Variants in CCDC47 observed in about 807,000 individuals in gnomAD.
CCDC47 encodes the protein coiled-coil domain containing 47.
CCDC47 carries 41 observed loss-of-function variants against 60.5 expected under a neutral mutation model. The observed-to-expected ratio is 0.68, with a 90% CI of 0.53 to 0.88. CCDC47 has a LOEUF of 0.88. CCDC47 is among the 40% of genes least tolerant of loss of function. The probability of loss-of-function intolerance (pLI) is 0.00; values close to 1 mark genes in which losing one functional copy is unlikely to be tolerated. For synonymous variants in CCDC47, 195 were observed against 190.7 expected, an observed-to-expected ratio of 1.02 and a Z score of -0.18; for missense variants, 513 against 580.9, an observed-to-expected ratio of 0.88 and a Z score of 1.20.
intron 6 of CCDC47, 83 bp from the exon 7 acceptor site, chr17:63,756,653 C>G: frequency 2.2e-6 from 2 of 898,484 alleles, no homozygotes; most frequent in South Asian, 1.5e-5. Context: ...TTAAGATTCC[C>G]TCCCCGCTGG....
At position 63,766,008 on chromosome 17, in the gene CCDC47, C is replaced by A. The variant is rs536441543; in HGVS notation, c.168G>T (p.Arg56=). Residue 56 remains arginine, a synonymous_variant, in exon 2 of 13, where the codon CGG becomes CGT. Coordinates refer to ENST00000225726, the MANE Select transcript of CCDC47 (RefSeq NM_020198.3). ...MEDSVTESPQ[R]VIITEDDEDE... ...CTTCATCATCTTCAGTGATTATGAC[C>A]CGTTGAGGAGATTCAGTAACAGAGT... 1 of 1,613,974 alleles carries A rather than the reference C, an allele frequency of 6.2e-7. No homozygotes were observed. The highest frequency in any genetic ancestry group is 1.7e-5 in the Admixed American group (1 of 60,004).
intron 3 of CCDC47, 31 bp downstream of exon 3, chr17:63,764,709 T>C: frequency 1.3e-6 from 2 of 1,568,552 alleles, no homozygotes; most frequent in Non-Finnish European, 1.7e-6. Flanking sequence ...TTTTGTTGTT[T>C]AGTTGGGAAT....
chr17:63,759,532 T>TATAC (rs2039237384), intron 6 of CCDC47, among the ~76,000 whole-genome samples: 1 of 4,388 alleles, frequency 2.3e-4, no homozygotes, highest in Non-Finnish European at 3.7e-4. Flanking sequence ...TATATTTATA[T>TATAC]ATATATATAT....
chr17:63,764,564 A>G (rs1568251155), intron 3 of CCDC47, among the ~76,000 whole-genome samples, 176 bp downstream of exon 3: 2 of 145,718 alleles, frequency 1.4e-5, no homozygotes, highest in Non-Finnish European at 3.0e-5. Flanking sequence ...GTAGGTGTTG[A>G]TTTTTTTTTT....
Position 63,766,186 on chromosome 17 carries a change from G to A in CCDC47, c.-11C>T. The A allele has an allele frequency of 6.3e-7, 1 of 1,583,220 alleles. No individual in the cohort carries two copies. The highest frequency in any genetic ancestry group is 8.6e-7 in the Non-Finnish European group (1 of 1,169,364). On this transcript the variant is annotated 5_prime_UTR_variant, in exon 2 of 13. Coordinates refer to ENST00000225726, the MANE Select transcript of CCDC47 (RefSeq NM_020198.3). ...GTGGAAGGCTTTCATTGCACCTTGA[G>A]AAAAAAAGCTTAAAAAAAAAGAGAA...
At chr17:63,748,885 G>T (rs1365569294) in intron 12 of CCDC47, among the ~76,000 whole-genome samples, 7 of 151,878 alleles carry the variant, frequency 4.6e-5, no homozygotes, top group Admixed American at 3.3e-4. Context: ...GTGGTGGCGG[G>T]CACCTGTAAT....
At chr17:63,763,875 A>C in intron 4 of CCDC47, 141 bp downstream of exon 4, 1 of 426,430 alleles carries the variant, frequency 2.3e-6, no homozygotes, top group East Asian at 3.6e-5. Flanking sequence ...AAAAAAGAGC[A>C]GGGGGAATCC....
rs565195482 is a variant in CCDC47, at chr17:63,772,081, C to CA, written c.-20+1330dup. ...TGGGCAACAGGGTGAGACTCTGTCTCAAAAAAATAGATAAATAATAAAATA... is the reference window on the plus strand; with the variant it reads ...TGGGCAACAGGGTGAGACTCTGTCTCAAAAAAAATAGATAAATAATAAAATA... On this transcript the variant is annotated intron_variant, in intron 1 of 12. Coordinates refer to ENST00000225726, the MANE Select transcript of CCDC47 (RefSeq NM_020198.3). Among the ~76,000 whole-genome samples the CA allele has an allele frequency of 5.3e-5, 8 of 151,488 alleles. No homozygotes were observed. In the South Asian group the frequency reaches 1.7e-3, roughly 32 times the overall value.
chr17:63,755,256 A>G (rs1793608735), intron 8 of CCDC47: 1 of 935,368 alleles, frequency 1.1e-6, no homozygotes, highest in Non-Finnish European at 1.3e-6. Flanking sequence ...TGTGAACCAC[A>G]GCGCGCGGAC....
At chr17:63,755,256 AGC>A in intron 8 of CCDC47, 2 of 935,368 alleles carry the variant, frequency 2.1e-6, no homozygotes, top group African/African-American at 3.6e-5. Context: ...TGTGAACCAC[AGC>A]GCGCGGACAA....
Position 63,746,639 on chromosome 17 carries a change from T to C in CCDC47, c.*242A>G. 1 of 396,790 alleles carries C rather than the reference T, an allele frequency of 2.5e-6. No homozygotes were observed. The highest frequency in any genetic ancestry group is 3.8e-5 in the East Asian group (1 of 25,994). 24.6% of individuals were successfully genotyped at this position (396,790 alleles called of 1,614,324 possible). On this transcript the variant is annotated 3_prime_UTR_variant, in exon 13 of 13. Coordinates refer to ENST00000225726, the MANE Select transcript of CCDC47 (RefSeq NM_020198.3). ...CACAGATTTCATAGATCATTCCTTT[T>C]ATAAAATAATCAAAATAATTTGATT...
chr17:63,761,251 C>G lies in CCDC47; in HGVS notation c.648G>C (p.Glu216Asp), dbSNP rs780750956. Residue 216 changes from glutamate (E) to aspartate (D), a missense_variant, in exon 5 of 13, where the codon GAG (glutamate) becomes GAC (aspartate). Physicochemically the swap from Glu to Asp is conservative, Grantham distance 45. Coordinates refer to ENST00000225726, the MANE Select transcript of CCDC47 (RefSeq NM_020198.3). ...TTACCCTCAGCTGGATAAGCATGCC[C>G]TCACAGCACACTCGACCAGAACACC... is the stretch of plus-strand genomic sequence containing the variant. The part of the protein sequence containing the change: ...NLWCSGRVCC[E>D]GMLIQLRFLK... 4.3e-6 allele frequency: 7 copies of G among 1,614,002 alleles called. No individual in the cohort carries two copies.
chr17:63,756,705 G>C (rs1568248108), intron 6 of CCDC47, 135 bp from the exon 7 acceptor site: 1 of 631,938 alleles, frequency 1.6e-6, no homozygotes, highest in Non-Finnish European at 2.8e-6. Flanking sequence ...TTGCAAATAT[G>C]ATGGAATATT....
intron 5 of CCDC47, 92 bp downstream of exon 5, chr17:63,761,138 T>G (rs2039255929): frequency 6.6e-7 from 1 of 1,520,494 alleles, no homozygotes; most frequent in South Asian, 1.1e-5. Context: ...AAGTCAAACA[T>G]GAAGGGATAA....
In CCDC47 at chr17:63,752,088, T is replaced by C. The variant is rs1352984247; in HGVS notation, c.1223A>G (p.Lys408Arg). The change falls in exon 12 of 13, where the codon AAG becomes AGG. Residue 408 changes from lysine (K) to arginine (R), a missense_variant. Lys to Arg is a conservative substitution (Grantham distance 26). Transcript: ENST00000225726. Reference protein sequence around the residue: ...LNREGKQKADKNRARVEENFL... With the variant: ...LNREGKQKADRNRARVEENFL... ...GTTCTCTTCTACTCGGGCACGGTTC[T>C]TATCTGCTTTTTGTTTGCCCTTCCC... The C allele has an allele frequency of 6.2e-7, 1 of 1,613,758 alleles. No individual in the cohort carries two copies.
intron 4 of CCDC47, among the ~76,000 whole-genome samples, chr17:63,762,619 G>T (rs1346432031): frequency 6.6e-6 from 1 of 152,188 alleles, no homozygotes; most frequent in African/African-American, 2.4e-5. Context: ...ATAGGTGAAT[G>T]TGAGGTTAGT....
intron 6 of CCDC47, among the ~76,000 whole-genome samples, chr17:63,757,311 T>C (rs2039215196): frequency 1.3e-5 from 2 of 150,020 alleles, no homozygotes; most frequent in Non-Finnish European, 1.5e-5. Context: ...AGCTGGAGGC[T>C]GTAGTAAGTG....
intron 9 of CCDC47, among the ~76,000 whole-genome samples, chr17:63,754,066 A>G (rs1047949912): frequency 6.6e-6 from 1 of 152,210 alleles, no homozygotes; most frequent in Non-Finnish European, 1.5e-5. Flanking sequence ...AGATTGTGCC[A>G]CCGCACTCCA....
At chr17:63,766,964 G>A (rs781009796) in intron 1 of CCDC47, 58 of 982,956 alleles carry the variant, frequency 5.9e-5, no homozygotes, top group Non-Finnish European at 6.5e-5. Flanking sequence ...ATTATCATAA[G>A]AGCAAACACT....
Sources: gnomAD v4.1 joint callset for allele counts (sites outside exome capture counted in the v4.1 genomes callset) on GRCh38, gnomAD v4.1.1 for gene constraint, MANE v1.5 for transcripts, NCBI Gene and HGNC (gene_info 2026-07-23, HGNC 2026-07-21) for gene names.